SULT6B1: variants seen among roughly 807,000 people sequenced by gnomAD.
SULT6B1 encodes the protein sulfotransferase family 6B member 1, also known as sulfotransferase 6B1.
In SULT6B1, 44 loss-of-function variants were observed where a neutral mutation model predicts 37.2. The ratio of observed to expected loss-of-function variants is 1.18; its 90% CI spans 0.93 to 1.52. SULT6B1 has a LOEUF of 1.52. Ranked by LOEUF, SULT6B1 falls within the 40% of genes most tolerant of loss-of-function variation. SULT6B1 has a pLI of 0.00. For synonymous variants in SULT6B1, 140 were observed against 126.0 expected, an observed-to-expected ratio of 1.11 and a Z score of -0.74; for missense variants, 450 against 361.0, an observed-to-expected ratio of 1.25 and a Z score of -2.00.
In SULT6B1 at chr2:37,188,616, C is replaced by T. The variant is rs544353318; in HGVS notation, c.25G>A (p.Glu9Lys). The T allele has an allele frequency of 7.0e-7, 1 of 1,433,724 alleles. No homozygotes were observed. The highest frequency in any genetic ancestry group is 1.4e-5 in the African/African-American group (1 of 71,312). The allele number at this position is 1,433,724 out of a possible 1,614,324, so 88.8% of individuals were successfully genotyped here. A position where few individuals can be genotyped will look rare whatever the true frequency, so the allele number is the denominator to read the frequency against. MADKSKFI[E>K]YIDEALEKSK... Reference sequence around the variant, plus strand: ...TTTTCTAAAGCTTCGTCAATGTATTCAATAAATTTGGATTTATCAGCCATG... The same window carrying T: ...TTTTCTAAAGCTTCGTCAATGTATTTAATAAATTTGGATTTATCAGCCATG... Residue 9 changes from glutamate to lysine, a missense_variant, in exon 1 of 7, where the codon GAA (glutamate) becomes AAA (lysine). Coordinates refer to ENST00000535679, the MANE Select transcript of SULT6B1 (RefSeq NM_001367551.1).
At chr2:37,193,362 C>G (rs1676820371), upstream of SULT6B1, among the ~76,000 whole-genome samples, 1 of 150,870 alleles carries the variant, frequency 6.6e-6, no homozygotes, top group South Asian at 2.1e-4. Context: ...CTTGGGAGGC[C>G]AAGGCAAGAG....
At chr2:37,192,669 T>C (rs1339173869), upstream of SULT6B1, among the ~76,000 whole-genome samples, 1 of 152,218 alleles carries the variant, frequency 6.6e-6, no homozygotes, top group Non-Finnish European at 1.5e-5. Context: ...ACAAAAAGTC[T>C]TTGTTTCCCT....
In SULT6B1 at chr2:37,167,973, C is replaced by T. The variant is rs762906847; in HGVS notation, c.874G>A (p.Gly292Arg). 19 of 1,599,822 alleles carry T rather than the reference C, an allele frequency of 1.2e-5. No individual in the cohort carries two copies. The highest frequency in any genetic ancestry group is 4.1e-5 in the African/African-American group (3 of 74,062). The change falls in exon 7 of 7, where the codon GGA becomes AGA. Residue 292 changes from glycine to arginine, a missense_variant. By Grantham distance (125) the Gly-to-Arg change is moderately radical. Transcript: ENST00000535679. ...TATGATTCATACTTCAACTTTGCTC[C>T]GAGGGAGGTGCCTGCTAAGCACTCT... ...FKECLAGTSL[G>R]AKLKYESYCQ... is the part of the protein sequence containing the mutation.
Position 37,179,593 on chromosome 2 carries a change from C to A in SULT6B1, c.403-9G>T. On this transcript the variant is annotated splice_polypyrimidine_tract_variant and intron_variant, in intron 3 of 6. Transcript: ENST00000535679. ...CGAAATATCACCAATATCTAGGGAG[C>A]AAAAATTGAGTTAATTTATTTGGGT... 1 of 1,605,692 alleles carries A rather than the reference C, an allele frequency of 6.2e-7. No individual in the cohort carries two copies. The highest frequency in any genetic ancestry group is 8.5e-7 in the Non-Finnish European group (1 of 1,178,190).
At chr2:37,190,219 T>A (rs78988218), upstream of SULT6B1, among the ~76,000 whole-genome samples, 488 of 152,390 alleles carry the variant, frequency 3.2e-3, 2 homozygotes, top group African/African-American at 0.011. Flanking sequence ...GTCAAATATC[T>A]ATAAATGTAG....
Position 37,167,989 on chromosome 2 carries a change from T to C in SULT6B1, c.858A>G (p.Leu286=). 2.5e-6 allele frequency: 4 copies of C among 1,602,398 alleles called. No homozygotes were observed. Among genetic ancestry groups the C allele is most frequent in the Non-Finnish European group, 3.4e-6 (4 of 1,177,518 alleles). The part of the protein sequence containing the change: ...QEMDEKFKEC[L]AGTSLGAKLK... Reference sequence around the variant, plus strand: ...ACTTTGCTCCGAGGGAGGTGCCTGCTAAGCACTCTTTGAATTTTTCATCCA... The same window carrying C: ...ACTTTGCTCCGAGGGAGGTGCCTGCCAAGCACTCTTTGAATTTTTCATCCA... Residue 286 remains leucine, a synonymous_variant, in exon 7 of 7, where the codon TTA becomes TTG. Coordinates refer to ENST00000535679, the MANE Select transcript of SULT6B1 (RefSeq NM_001367551.1).
intron 3 of SULT6B1, among the ~76,000 whole-genome samples, chr2:37,181,524 G>A (rs925237420): frequency 6.6e-6 from 1 of 152,008 alleles, no homozygotes; most frequent in South Asian, 2.1e-4. Flanking sequence ...GGACCACAGC[G>A]GTGCACCACC....
chr2:37,182,787 T>C (rs1465901683), intron 3 of SULT6B1, among the ~76,000 whole-genome samples: 1 of 152,146 alleles, frequency 6.6e-6, no homozygotes, highest in Non-Finnish European at 1.5e-5. Flanking sequence ...TCAATACTGA[T>C]TAATAAAACA....
upstream of SULT6B1, among the ~76,000 whole-genome samples, chr2:37,191,535 C>G (rs541121575): frequency 2.0e-5 from 3 of 152,158 alleles, no homozygotes; most frequent in African/African-American, 4.8e-5. Context: ...AGTGTTACAG[C>G]CTTTTTTGTA....
intron 5 of SULT6B1, among the ~76,000 whole-genome samples, chr2:37,172,138 C>G (rs971654547): frequency 1.3e-5 from 2 of 151,616 alleles, no homozygotes; most frequent in African/African-American, 4.9e-5. Flanking sequence ...GCAGCCTGGA[C>G]TTCCTGGGCT....
chr2:37,193,861 G>C (rs980333830), intron 1 of SULT6B1, among the ~76,000 whole-genome samples: 7 of 152,174 alleles, frequency 4.6e-5, no homozygotes, highest in African/African-American at 1.4e-4. Flanking sequence ...CCCTCTACCA[G>C]AGTTAGTAAA....
intron 4 of SULT6B1, among the ~76,000 whole-genome samples, chr2:37,176,269 T>TC (rs1676425688): frequency 6.8e-6 from 1 of 147,982 alleles, no homozygotes; most frequent in Admixed American, 6.8e-5. Flanking sequence ...GCTTTTTTTT[T>TC]TTTTTTTTTT....
intron 4 of SULT6B1, 111 bp downstream of exon 4, chr2:37,179,347 G>T (rs995239250): frequency 1.5e-6 from 2 of 1,348,600 alleles, no homozygotes; most frequent in African/African-American, 1.5e-5. Context: ...GAAACTTTTT[G>T]GTTCCCAGAT....
chr2:37,188,410 A>C (rs761887158), intron 1 of SULT6B1, 32 bp downstream of exon 1: 57 of 1,578,142 alleles, frequency 3.6e-5, no homozygotes, highest in Non-Finnish European at 4.5e-5. Flanking sequence ...CACTATGAGA[A>C]GTGTACTTGT....
chr2:37,189,240 T>C (rs563033010), upstream of SULT6B1, among the ~76,000 whole-genome samples: 2 of 152,304 alleles, frequency 1.3e-5, no homozygotes, highest in East Asian at 1.9e-4. Context: ...TCTCTAAAAG[T>C]TTATGTAAAA....
At chr2:37,194,840 TTCTCCTTCCTTCCTC>T (rs1236780240) in intron 1 of SULT6B1, 7 of 152,002 alleles carry the variant, frequency 4.6e-5, no homozygotes, top group Non-Finnish European at 7.3e-5. Flanking sequence ...CTTTTCTTCT[TTCTCCTTCCTTCCTC>T]CCTCCCTCCC....
intron 6 of SULT6B1, among the ~76,000 whole-genome samples, chr2:37,170,272 G>T (rs1458656994): frequency 6.6e-6 from 1 of 151,292 alleles, no homozygotes; most frequent in African/African-American, 2.4e-5. Context: ...TTCAAGACCA[G>T]TCTGGCCAAC....
chr2:37,190,638 G>A (rs1295457043), upstream of SULT6B1, among the ~76,000 whole-genome samples: 1 of 152,180 alleles, frequency 6.6e-6, no homozygotes, highest in African/African-American at 2.4e-5. Flanking sequence ...TTTAATCGGA[G>A]AGCCAGCAAA....
intron 3 of SULT6B1, 51 bp from the exon 4 acceptor site, chr2:37,179,635 G>C (rs773931437): frequency 6.4e-7 from 1 of 1,559,418 alleles, no homozygotes; most frequent in Non-Finnish European, 8.8e-7. Flanking sequence ...TTTGAAATTT[G>C]GAAAATTAAA....
Sources: allele counts gnomAD v4.1 joint callset (sites outside exome capture counted in the v4.1 genomes callset), GRCh38; gene constraint gnomAD v4.1.1; transcripts MANE v1.5; gene names NCBI Gene and HGNC (gene_info 2026-07-23, HGNC 2026-07-21).